Variants in PPP1R14C observed in about 807,000 individuals in gnomAD.
PPP1R14C encodes protein phosphatase 1 regulatory subunit 14C.
PPP1R14C carries 16 observed loss-of-function variants against 20.4 expected under a neutral mutation model. The ratio of observed to expected loss-of-function variants is 0.78; its 90% CI spans 0.53 to 1.19. The LOEUF (loss-of-function observed/expected upper bound fraction) is 1.19, where lower values mean the gene tolerates loss of function less well. PPP1R14C is among the 50% of genes most tolerant of loss of function. The pLI, the probability that PPP1R14C is intolerant of heterozygous loss-of-function variation, is 0.00. For missense variants in PPP1R14C, 211 were observed against 220.1 expected (o/e 0.96, Z 0.26); for synonymous variants, 91 against 91.0 (o/e 1.00, Z 0.00).
At chr6:150,203,456 G>C (rs12215483) in intron 1 of PPP1R14C, among the ~76,000 whole-genome samples, 7,735 of 152,206 alleles carry the variant, frequency 0.051, 263 homozygotes, top group Middle Eastern at 0.14. Flanking sequence ...GAGGCCTTGC[G>C]ATGGGATTCA....
intron 2 of PPP1R14C, 47 bp from the exon 3 acceptor site, chr6:150,216,777 C>A (rs756118639): frequency 9.8e-6 from 13 of 1,332,138 alleles, no homozygotes; most frequent in Non-Finnish European, 1.1e-5. Context: ...AAAAATAATG[C>A]TGAATTTTAA....
intron 1 of PPP1R14C, among the ~76,000 whole-genome samples, chr6:150,167,239 A>T (rs1398316152): frequency 6.6e-6 from 1 of 152,126 alleles, no homozygotes; most frequent in Admixed American, 6.5e-5. Flanking sequence ...ATGGTGGCAC[A>T]CACCTGTAAT....
At chr6:150,207,029 T>A (rs1400249374) in intron 1 of PPP1R14C, among the ~76,000 whole-genome samples, 2 of 152,172 alleles carry the variant, frequency 1.3e-5, no homozygotes, top group East Asian at 1.9e-4. Context: ...TATCCTCGTC[T>A]AATTTTTGTA....
intron 1 of PPP1R14C, among the ~76,000 whole-genome samples, chr6:150,198,416 A>T (rs908048291): frequency 2.0e-5 from 3 of 152,198 alleles, no homozygotes; most frequent in Non-Finnish European, 4.4e-5. Context: ...TTGTCAGGTG[A>T]CCATCCTCTC....
chr6:150,231,096 G>A (rs1237598476), intron 3 of PPP1R14C, among the ~76,000 whole-genome samples: 1 of 152,178 alleles, frequency 6.6e-6, no homozygotes, highest in Non-Finnish European at 1.5e-5. Flanking sequence ...CAGAGTAGAG[G>A]GTGGCCACTG....
At chr6:150,159,039 G>T (rs1777336173) in intron 1 of PPP1R14C, among the ~76,000 whole-genome samples, 2 of 152,146 alleles carry the variant, frequency 1.3e-5, no homozygotes, top group Admixed American at 1.3e-4. Context: ...GACAGTCTCT[G>T]AGGATGAGGA....
intron 1 of PPP1R14C, among the ~76,000 whole-genome samples, chr6:150,187,475 A>G (rs940033833): frequency 2.2e-4 from 33 of 151,760 alleles, no homozygotes; most frequent in Admixed American, 2.2e-3. Context: ...TTAAGGCCCT[A>G]GTGTGTGTTG....
chr6:150,162,757 A>G (rs1777384052), intron 1 of PPP1R14C, among the ~76,000 whole-genome samples: 1 of 152,216 alleles, frequency 6.6e-6, no homozygotes, highest in Non-Finnish European at 1.5e-5. Flanking sequence ...TACAACAGCG[A>G]AAGAGTCCCT....
intron 1 of PPP1R14C, among the ~76,000 whole-genome samples, chr6:150,174,965 CAAA>C (rs34296938): frequency 4.0e-4 from 48 of 120,884 alleles, no homozygotes; most frequent in African/African-American, 9.6e-4. Context: ...GATTCTGTCT[CAAA>C]AAAAAAAAAA....
rs1777135054 is a variant in PPP1R14C, at chr6:150,143,206, C to A, written c.14C>A (p.Thr5Lys). 1.5e-6 allele frequency: 2 copies of A among 1,349,370 alleles called. No homozygotes were observed. Among genetic ancestry groups the A allele is most frequent in the East Asian group, 3.1e-5 (1 of 31,750 alleles). The allele number at this position is 1,349,370 out of a possible 1,614,324, so 83.6% of individuals were successfully genotyped here. ...GCGCGCGGGGACATGTCGGTGGCGA[C>A]GGGCAGCAGCGAGACGGCCGGCGGG... MSVATGSSETAGGAS... is the reference protein window; with the variant it reads MSVAKGSSETAGGAS... Residue 5 changes from threonine (T) to lysine (K), a missense_variant, in exon 1 of 4, where the codon ACG (threonine) becomes AAG (lysine). By Grantham distance (78) the Thr-to-Lys change is moderately conservative (BLOSUM62 -1). Coordinates refer to ENST00000361131, the MANE Select transcript of PPP1R14C (RefSeq NM_030949.3). This position sits in a 1 kb window ranked among gnomAD's most constrained non-coding sequence, Gnocchi z 5.6.
chr6:150,164,063 G>C (rs1231602156), intron 1 of PPP1R14C, among the ~76,000 whole-genome samples: 1 of 152,086 alleles, frequency 6.6e-6, no homozygotes, highest in Non-Finnish European at 1.5e-5. Flanking sequence ...TTTTCATTTA[G>C]CCGTCTGTTA....
chr6:150,159,787 AT>A (rs1335147116), intron 1 of PPP1R14C, among the ~76,000 whole-genome samples: 1 of 152,108 alleles, frequency 6.6e-6, no homozygotes, highest in African/African-American at 2.4e-5. Flanking sequence ...ATATTGATAC[AT>A]TATTATTCTC....
chr6:150,173,221 C>G (rs1237250164), intron 1 of PPP1R14C, among the ~76,000 whole-genome samples: 1 of 152,126 alleles, frequency 6.6e-6, no homozygotes, highest in Non-Finnish European at 1.5e-5. Context: ...CACGAATGCC[C>G]TGTCTCTTCT....
intron 3 of PPP1R14C, among the ~76,000 whole-genome samples, chr6:150,231,797 T>C (rs978213756): frequency 3.3e-5 from 5 of 152,250 alleles, no homozygotes; most frequent in African/African-American, 1.2e-4. Context: ...CACTTATCCT[T>C]GTTAATACAG....
At chr6:150,196,851 A>G (rs116543761) in intron 1 of PPP1R14C, among the ~76,000 whole-genome samples, 1,911 of 152,286 alleles carry the variant, frequency 0.013, 43 homozygotes, top group African/African-American at 0.044. Flanking sequence ...ACACAGTTGG[A>G]GTTTTTAAAA....
chr6:150,219,555 T>C (rs1778141710), intron 3 of PPP1R14C, among the ~76,000 whole-genome samples: 1 of 152,132 alleles, frequency 6.6e-6, no homozygotes, highest in Non-Finnish European at 1.5e-5. Context: ...CCAATTGGTA[T>C]TTTTTGTTGA....
chr6:150,174,478 A>G (rs1416293009), intron 1 of PPP1R14C, among the ~76,000 whole-genome samples: 1 of 151,768 alleles, frequency 6.6e-6, no homozygotes. Flanking sequence ...GGCCTCCCAA[A>G]GTGCTGGGAT....
chr6:150,168,691 G>A (rs1288217907), intron 1 of PPP1R14C, among the ~76,000 whole-genome samples: 3 of 152,190 alleles, frequency 2.0e-5, no homozygotes, highest in African/African-American at 7.2e-5. Context: ...AGATGCAGGA[G>A]ATGGAAGTAA....
chr6:150,161,277 A>T, intron 1 of PPP1R14C, among the ~76,000 whole-genome samples: 1 of 4,424 alleles, frequency 2.3e-4, no homozygotes, highest in South Asian at 0.013. Context: ...AAGACTGTTT[A>T]AAAAAAAAAG....
Sources: allele counts gnomAD v4.1 joint callset (sites outside exome capture counted in the v4.1 genomes callset), GRCh38; gene constraint gnomAD v4.1.1; non-coding constraint Gnocchi (gnomAD v3.1); transcripts MANE v1.5; gene names NCBI Gene and HGNC (gene_info 2026-07-23, HGNC 2026-07-21).